CEACAM5: variants seen among roughly 807,000 people sequenced by gnomAD.
The protein encoded by CEACAM5 is cell adhesion molecule CEACAM5.
Under a neutral mutation model 63.0 loss-of-function variants are expected in CEACAM5, and 52 were observed. The ratio of observed to expected loss-of-function variants is 0.83; its 90% CI spans 0.66 to 1.04. The LOEUF (loss-of-function observed/expected upper bound fraction) is 1.04, where lower values mean the gene tolerates loss of function less well. Among genes scored for constraint, CEACAM5 ranks in the 50% least tolerant of loss-of-function variants. The pLI is 0.00. For missense variants in CEACAM5, 790 were observed against 864.8 expected, an observed-to-expected ratio of 0.91 and a Z score of 1.08; for synonymous variants, 357 against 351.3, an observed-to-expected ratio of 1.02 and a Z score of -0.18.
Position 41,730,184 on chromosome 19 carries a change from G to C in CEACAM5, c.*1037G>C, listed in dbSNP as rs1306257563. Among the ~76,000 whole-genome samples the C allele has an allele frequency of 6.6e-6, 1 of 152,102 alleles. No individual in the cohort carries two copies. The highest frequency in any genetic ancestry group is 2.4e-5 in the African/African-American group (1 of 41,422). On this transcript the variant is annotated 3_prime_UTR_variant, in exon 10 of 10. Transcript: ENST00000221992. ...GCCTGTAATCCCAGCACTTTGATCC[G>C]CCGAGGCGGGCGGATCACGAGGTCA...
intron 2 of CEACAM5, among the ~76,000 whole-genome samples, 168 bp from the exon 3 acceptor site, chr19:41,714,803 T>C (rs533832381): frequency 2.0e-5 from 3 of 152,326 alleles, no homozygotes; most frequent in East Asian, 3.9e-4. Context: ...CCTCGCAGTC[T>C]CTGAGATCTC....
chr19:41,720,806 G>A, intron 7 of CEACAM5, 116 bp from the exon 8 acceptor site: 1 of 1,393,232 alleles, frequency 7.2e-7, no homozygotes, highest in Non-Finnish European at 9.9e-7. Flanking sequence ...GGCCGATTTG[G>A]ACTTTTTAAC....
rs782345192 is a variant in CEACAM5, at chr19:41,715,888, G to A, written c.942G>A (p.Thr314=). The change falls in exon 4 of 10, where the codon ACG becomes ACA. Residue 314 remains threonine (T), a synonymous_variant. Coordinates refer to ENST00000221992, the MANE Select transcript of CEACAM5 (RefSeq NM_004363.6). The stretch of plus-strand genomic sequence containing the variant: ...CTGGCCTCAATAGGACCACAGTCAC[G>A]ACGATCACAGTCTATGGTAAGTGGA... ...SDTGLNRTTV[T]TITVYAEPPK... 3.3e-5 allele frequency: 54 copies of A among 1,613,932 alleles called. 1 individual carries two copies. In the South Asian group the frequency reaches 4.1e-4, roughly 12 times the overall value.
rs1555816140 is a variant in CEACAM5 at position 41,721,003 on chromosome 19, C to T, written c.1853C>T (p.Ala618Val). The change falls in exon 8 of 10, where the codon GCC (alanine) becomes GTC (valine). Residue 618 changes from alanine to valine, a missense_variant. Physicochemically the swap from Ala to Val is moderately conservative, Grantham distance 64. Coordinates refer to ENST00000221992, the MANE Select transcript of CEACAM5 (RefSeq NM_004363.6). Reference sequence around the variant, plus strand: ...AACCTCAACCTCTCCTGCCACTCGGCCTCTAACCCATCCCCGCAGTATTCT... The same window carrying T: ...AACCTCAACCTCTCCTGCCACTCGGTCTCTAACCCATCCCCGCAGTATTCT... Reference protein sequence around the residue: ...GANLNLSCHSASNPSPQYSWR... With the variant: ...GANLNLSCHSVSNPSPQYSWR... 1 of 1,614,170 alleles carries T rather than the reference C, an allele frequency of 6.2e-7. No individual in the cohort carries two copies. The highest frequency in any genetic ancestry group is 8.5e-7 in the Non-Finnish European group (1 of 1,180,038).
intron 6 of CEACAM5, among the ~76,000 whole-genome samples, chr19:41,718,736 T>C (rs2072569255): frequency 6.6e-6 from 1 of 152,246 alleles, no homozygotes; most frequent in Admixed American, 6.5e-5. Context: ...CTTTGTGTTC[T>C]TTTACCTAAT....
chr19:41,717,100 G>A (rs970028037), intron 4 of CEACAM5, among the ~76,000 whole-genome samples: 2 of 152,222 alleles, frequency 1.3e-5, no homozygotes, highest in African/African-American at 2.4e-5. Context: ...TGGAAGAAAC[G>A]CAGCTCCTTC....
Position 41,718,184 on chromosome 19 carries a change from A to G in CEACAM5, c.1294A>G (p.Asn432Asp), listed in dbSNP as rs1555815400. ...PSYTYYRPGV[N>D]LSLSCHAASN... Reference sequence around the variant, plus strand: ...ATACACCTATTACCGTCCAGGGGTGAACCTCAGCCTCTCCTGCCATGCAGC... The same window carrying G: ...ATACACCTATTACCGTCCAGGGGTGGACCTCAGCCTCTCCTGCCATGCAGC... The change falls in exon 6 of 10, where the codon AAC (asparagine) becomes GAC (aspartate). Residue 432 changes from asparagine to aspartate, a missense_variant. Physicochemically the swap from Asn to Asp is conservative, Grantham distance 23 (BLOSUM62 1). Transcript: ENST00000221992. 1.9e-6 allele frequency: 3 copies of G among 1,614,078 alleles called. No individual in the cohort carries two copies. In the Admixed American group the frequency reaches 5.0e-5, roughly 27 times the overall value.
chr19:41,714,757 G>A (rs77950622), intron 2 of CEACAM5, among the ~76,000 whole-genome samples: 2,295 of 152,262 alleles, frequency 0.015, 54 homozygotes, highest in African/African-American at 0.051. Context: ...ATTCACACTT[G>A]AGAAAGTCTG....
Position 41,708,849 on chromosome 19 carries a change from G to C in CEACAM5, c.64+54G>C, listed in dbSNP as rs2072386244. 5.3e-6 allele frequency: 4 copies of C among 752,594 alleles called. No homozygotes were observed. The Admixed American group carries it at 1.3e-4, about 24-fold the overall frequency. 46.6% of individuals were successfully genotyped at this position (752,594 alleles called of 1,614,324 possible). ...GGGAGGAGGGAGCTGGGGTCTCCTG[G>C]GTAGGACAGGGCTGTGAGACGGACA... On this transcript the variant is annotated intron_variant, in intron 1 of 9. Coordinates refer to ENST00000221992, the MANE Select transcript of CEACAM5 (RefSeq NM_004363.6).
chr19:41,720,870 C>T lies in CEACAM5; in HGVS notation c.1772-52C>T. The T allele has an allele frequency of 4.4e-6, 7 of 1,600,012 alleles. No individual in the cohort carries two copies. The South Asian group carries it at 6.7e-5, about 15-fold the overall frequency. ...ACTGTGGCCCTTCTACAATCAGGAG[C>T]TTCCCCTTTCCTCTGATGACATCAC... is the stretch of plus-strand genomic sequence containing the variant. On this transcript the variant is annotated intron_variant, in intron 7 of 9. Coordinates refer to ENST00000221992, the MANE Select transcript of CEACAM5 (RefSeq NM_004363.6).
intron 5 of CEACAM5, 118 bp from the exon 6 acceptor site, chr19:41,718,010 T>A: frequency 8.0e-7 from 1 of 1,244,688 alleles, no homozygotes; most frequent in Non-Finnish European, 1.1e-6. Context: ...AGTAGGGGTT[T>A]GGTTAGGACT....
intron 4 of CEACAM5, 31 bp from the exon 5 acceptor site, chr19:41,717,424 C>A: frequency 6.3e-7 from 1 of 1,594,354 alleles, no homozygotes; most frequent in South Asian, 1.1e-5. Flanking sequence ...AGGTGCCACA[C>A]AGGGCAATCT....
chr19:41,726,549 GCAAGATAA>G (rs2072702281), intron 8 of CEACAM5, among the ~76,000 whole-genome samples: 1 of 152,216 alleles, frequency 6.6e-6, no homozygotes, highest in African/African-American at 2.4e-5. Context: ...AATTAGAGGT[GCAAGATAA>G]TTTACCGGGG....
chr19:41,727,448 G>A, intron 9 of CEACAM5, 96 bp downstream of exon 9: 1 of 706,002 alleles, frequency 1.4e-6, no homozygotes, highest in East Asian at 2.5e-5. Flanking sequence ...ATCTGGGACT[G>A]GATCTCTTCC....
At chr19:41,714,853 G>A (rs567335884) in intron 2 of CEACAM5, 118 bp from the exon 3 acceptor site, 76 of 1,544,158 alleles carry the variant, frequency 4.9e-5, no homozygotes, top group African/African-American at 6.8e-5. Flanking sequence ...TGCACCCACC[G>A]TGGGTTTTTA....
At chr19:41,726,150 A>G (rs1472620078) in intron 8 of CEACAM5, among the ~76,000 whole-genome samples, 1 of 152,258 alleles carries the variant, frequency 6.6e-6, no homozygotes, top group Non-Finnish European at 1.5e-5. Context: ...GGGAAACTTC[A>G]TAAATATTAG....
intron 4 of CEACAM5, among the ~76,000 whole-genome samples, chr19:41,716,158 G>C (rs2072524237): frequency 6.6e-6 from 1 of 152,222 alleles, no homozygotes; most frequent in African/African-American, 2.4e-5. Context: ...CCTGTGTAGT[G>C]GAGGAAGCTT....
chr19:41,726,564 G>A lies in CEACAM5; in HGVS notation c.2027-670G>A, dbSNP rs192831070. ...AATTAGAGGTGCAAGATAATTTACC[G>A]GGGGGAACCACCATGAGGAAAAGTG... On this transcript the variant is annotated intron_variant, in intron 8 of 9. Coordinates refer to ENST00000221992, the MANE Select transcript of CEACAM5 (RefSeq NM_004363.6). Among the ~76,000 whole-genome samples the A allele has an allele frequency of 2.3e-3, 346 of 152,244 alleles. 2 individuals are homozygous for A. Among genetic ancestry groups the A allele is most frequent in the South Asian group, 0.017 (83 of 4,818 alleles).
chr19:41,724,858 A>G (rs2072675972), intron 8 of CEACAM5, among the ~76,000 whole-genome samples: 1 of 152,226 alleles, frequency 6.6e-6, no homozygotes, highest in Non-Finnish European at 1.5e-5. Flanking sequence ...AACTCTAACA[A>G]GTTTTTTAAT....
Sources: gnomAD v4.1 joint callset for allele counts (sites outside exome capture counted in the v4.1 genomes callset) on GRCh38, gnomAD v4.1.1 for gene constraint, MANE v1.5 for transcripts, NCBI Gene and HGNC (gene_info 2026-07-23, HGNC 2026-07-21) for gene names.